The following RFTN2 variants were observed in gnomAD, a reference collection of about 807,000 sequenced individuals.
RFTN2 encodes the protein raftlin-2.
A neutral mutation model predicts 52.7 loss-of-function variants in RFTN2; 34 were observed. The observed-to-expected ratio is 0.64, with a 90% CI of 0.49 to 0.86. The LOEUF is 0.86. Among genes scored for constraint, RFTN2 ranks in the 40% least tolerant of loss-of-function variants. RFTN2 has a pLI of 0.00. For missense variants in RFTN2, 536 were observed against 600.1 expected (o/e 0.89, Z 1.12); for synonymous variants, 203 against 217.7 (o/e 0.93, Z 0.59).
At chr2:197,597,345 G>A (rs1004358869) in intron 7 of RFTN2, among the ~76,000 whole-genome samples, 2 of 152,124 alleles carry the variant, frequency 1.3e-5, no homozygotes, top group Admixed American at 6.5e-5. Context: ...GTACACGGGC[G>A]GGATTAGCAT....
intron 5 of RFTN2, among the ~76,000 whole-genome samples, chr2:197,622,709 T>A (rs2088288210): frequency 6.6e-6 from 1 of 152,224 alleles, no homozygotes; most frequent in Non-Finnish European, 1.5e-5. Context: ...GCTTCAAAGC[T>A]TCGTAGGACA....
chr2:197,575,034 C>T (rs140302188), intron 8 of RFTN2, among the ~76,000 whole-genome samples: 1,528 of 152,170 alleles, frequency 0.01, 8 homozygotes, highest in Non-Finnish European at 0.018. Context: ...AATTGTAGCT[C>T]CCATAATTCC....
At chr2:197,650,155 T>C (rs998876704) in intron 1 of RFTN2, among the ~76,000 whole-genome samples, 1 of 152,026 alleles carries the variant, frequency 6.6e-6, no homozygotes, top group African/African-American at 2.4e-5. Context: ...AAATTTGCCA[T>C]TTTAACCATT....
chr2:197,649,964 A>G (rs114435872), intron 1 of RFTN2, among the ~76,000 whole-genome samples: 138 of 152,306 alleles, frequency 9.1e-4, no homozygotes, highest in African/African-American at 3.1e-3. Flanking sequence ...TCACTACCCA[A>G]TTAAATGTCA....
intron 1 of RFTN2, among the ~76,000 whole-genome samples, chr2:197,649,691 G>C (rs2088799389): frequency 6.6e-6 from 1 of 152,114 alleles, no homozygotes; most frequent in African/African-American, 2.4e-5. Flanking sequence ...ACTCAGGGTT[G>C]AGAAAAGTCC....
At chr2:197,614,186 C>A (rs1333727622) in intron 7 of RFTN2, among the ~76,000 whole-genome samples, 2 of 152,168 alleles carry the variant, frequency 1.3e-5, no homozygotes, top group East Asian at 1.9e-4. Flanking sequence ...CTCACAAGAT[C>A]CTTCAGGGCC....
intron 7 of RFTN2, among the ~76,000 whole-genome samples, chr2:197,609,080 G>C (rs1489859549): frequency 6.6e-6 from 1 of 152,064 alleles, no homozygotes; most frequent in Non-Finnish European, 1.5e-5. Context: ...TGTGAAGAGT[G>C]CCACAATAAA....
At chr2:197,585,897 C>T (rs2087588185) in intron 8 of RFTN2, among the ~76,000 whole-genome samples, 1 of 152,122 alleles carries the variant, frequency 6.6e-6, no homozygotes, top group South Asian at 2.1e-4. Flanking sequence ...ACTCTACTCC[C>T]CACATATTCG....
chr2:197,612,382 G>T (rs2088077663), intron 7 of RFTN2, among the ~76,000 whole-genome samples: 1 of 152,082 alleles, frequency 6.6e-6, no homozygotes, highest in Non-Finnish European at 1.5e-5. Flanking sequence ...GCACATTCCT[G>T]CCCACACTCC....
At chr2:197,573,043 G>T (rs541818916) in intron 8 of RFTN2, among the ~76,000 whole-genome samples, 7 of 148,346 alleles carry the variant, frequency 4.7e-5, no homozygotes, top group Non-Finnish European at 7.4e-5. Context: ...ACAGTCTCGG[G>T]TATGTCTTTA....
intron 8 of RFTN2, among the ~76,000 whole-genome samples, chr2:197,582,731 C>T: frequency 6.6e-6 from 1 of 152,188 alleles, no homozygotes; most frequent in East Asian, 1.9e-4. Context: ...CAATGGTCCT[C>T]CATCATTAAT....
chr2:197,644,272 G>A lies in RFTN2; in HGVS notation c.324C>T (p.Ser108=). 6.4e-7 allele frequency: 1 copy of A among 1,553,496 alleles called. No homozygotes were observed. The change falls in exon 3 of 9, where the codon AGC becomes AGT. Residue 108 remains serine, a splice_region_variant and synonymous_variant. Coordinates refer to ENST00000295049, the MANE Select transcript of RFTN2 (RefSeq NM_144629.3). ...CACTGGGTGCTGCCGAATTCTTTGG[G>A]CTGTAACAGAGGGAATATGTTTATG... The part of the protein sequence containing the change: ...YRVVLLRLKL[S]PKNSAAPSGQ...
intron 1 of RFTN2, among the ~76,000 whole-genome samples, chr2:197,663,310 G>T (rs1301270453): frequency 6.6e-6 from 1 of 151,898 alleles, no homozygotes; most frequent in Non-Finnish European, 1.5e-5. Context: ...TTCTTTTTTT[G>T]TTGTGTTGGC....
intron 1 of RFTN2, among the ~76,000 whole-genome samples, 177 bp downstream of exon 1, chr2:197,675,143 C>T (rs983783168): frequency 3.3e-5 from 5 of 151,986 alleles, no homozygotes; most frequent in Non-Finnish European, 5.9e-5. Context: ...TACCAAAATA[C>T]GAAGCAATCA....
At chr2:197,589,430 T>G (rs2087660672) in intron 8 of RFTN2, among the ~76,000 whole-genome samples, 1 of 152,080 alleles carries the variant, frequency 6.6e-6, no homozygotes, top group African/African-American at 2.4e-5. Context: ...CTTTATCAGC[T>G]GCGTGAAAAC....
intron 1 of RFTN2, among the ~76,000 whole-genome samples, chr2:197,670,986 T>C (rs1319572139): frequency 6.6e-6 from 1 of 152,214 alleles, no homozygotes; most frequent in African/African-American, 2.4e-5. Flanking sequence ...CCTTGTATCC[T>C]ATCCCTGTTA....
At chr2:197,645,073 A>G (rs2088729385) in intron 2 of RFTN2, among the ~76,000 whole-genome samples, 1 of 152,146 alleles carries the variant, frequency 6.6e-6, no homozygotes, top group African/African-American at 2.4e-5. Context: ...GAGAAAATGC[A>G]GTTTTTTCCC....
At chr2:197,605,996 C>G (rs1476366352) in intron 7 of RFTN2, among the ~76,000 whole-genome samples, 2 of 152,092 alleles carry the variant, frequency 1.3e-5, no homozygotes, top group Non-Finnish European at 2.9e-5. Flanking sequence ...TATTGCTTCC[C>G]TGAGGAGCAA....
At chr2:197,610,546 T>A (rs1446626883) in intron 7 of RFTN2, among the ~76,000 whole-genome samples, 1 of 152,236 alleles carries the variant, frequency 6.6e-6, no homozygotes, top group Non-Finnish European at 1.5e-5. Flanking sequence ...TATACAATCA[T>A]GTCTTCTGCA....
Sources: gnomAD v4.1 joint callset for allele counts (sites outside exome capture counted in the v4.1 genomes callset) on GRCh38, gnomAD v4.1.1 for gene constraint, MANE v1.5 for transcripts, NCBI Gene and HGNC (gene_info 2026-07-23, HGNC 2026-07-21) for gene names.